Variants in CSMD1 observed in about 807,000 individuals in gnomAD.
CSMD1 encodes the protein CUB and Sushi multiple domains 1, also known as CUB and sushi domain-containing protein 1.
A neutral mutation model predicts 417.5 loss-of-function variants in CSMD1; 213 were observed. That is an observed-to-expected ratio of 0.51 (90% confidence interval 0.46 to 0.57). CSMD1 has a LOEUF of 0.57. Ranked by LOEUF, CSMD1 falls within the 20% of genes least tolerant of loss-of-function variation. The pLI is 0.00. For missense variants in CSMD1, 6,923 were observed against 4,529.7 expected, an observed-to-expected ratio of 1.53 and a Z score of -15.17; for synonymous variants, 2,862 against 1,736.8, an observed-to-expected ratio of 1.65 and a Z score of -16.11.
At chr8:4,201,470 G>A (rs1337056108) in intron 3 of CSMD1, among the ~76,000 whole-genome samples, 2 of 139,300 alleles carry the variant, frequency 1.4e-5, no homozygotes, top group African/African-American at 2.7e-5. Flanking sequence ...CACGGGAGGC[G>A]GAGCTTGCAG....
intron 11 of CSMD1, among the ~76,000 whole-genome samples, chr8:3,481,987 C>T (rs1817774927): frequency 6.6e-6 from 1 of 152,138 alleles, no homozygotes; most frequent in South Asian, 2.1e-4. Context: ...TTATAAGTCA[C>T]ATATGTTTAT....
At chr8:4,256,976 C>A (rs1258500129) in intron 3 of CSMD1, among the ~76,000 whole-genome samples, 1 of 152,172 alleles carries the variant, frequency 6.6e-6, no homozygotes, top group African/African-American at 2.4e-5. Context: ...TGGAGGTATT[C>A]AATCTGGAAG....
intron 5 of CSMD1, among the ~76,000 whole-genome samples, chr8:3,949,561 T>A (rs1005345311): frequency 2.6e-5 from 4 of 152,158 alleles, no homozygotes; most frequent in African/African-American, 9.7e-5. Context: ...TGGGGTTATT[T>A]TGGGGTTCTT....
intron 2 of CSMD1, among the ~76,000 whole-genome samples, chr8:4,607,469 A>G (rs905416004): frequency 1.1e-4 from 16 of 152,290 alleles, no homozygotes; most frequent in African/African-American, 3.9e-4. Flanking sequence ...CTAGGGCCTG[A>G]TACGACCCAG....
chr8:4,311,714 C>G (rs868484154), intron 3 of CSMD1, among the ~76,000 whole-genome samples: 2 of 102,212 alleles, frequency 2.0e-5, no homozygotes, highest in South Asian at 7.4e-4. Flanking sequence ...CAAAGCAAGA[C>G]TCAGTCTCAA....
chr8:4,311,367 G>C lies in CSMD1; in HGVS notation c.415+108586C>G, dbSNP rs148545190. On this transcript the variant is annotated intron_variant, in intron 3 of 69. Transcript: ENST00000635120. ...CTTTGCAGCAACATGGATGGAGCTG[G>C]AGGCCATTATTCTTGGCAAACTAAT... Among the ~76,000 whole-genome samples, 87 of 152,278 alleles carry C rather than the reference G, an allele frequency of 5.7e-4. 1 individual carries two copies. The highest frequency in any genetic ancestry group is 1.9e-3 in the African/African-American group (77 of 41,556).
chr8:3,306,136 C>A (rs1804824210), intron 25 of CSMD1, among the ~76,000 whole-genome samples: 1 of 152,024 alleles, frequency 6.6e-6, no homozygotes, highest in South Asian at 2.1e-4. Flanking sequence ...CACTTCATCC[C>A]ATTTTATTTT....
intron 5 of CSMD1, among the ~76,000 whole-genome samples, chr8:3,980,719 G>C (rs950200164): frequency 6.6e-6 from 1 of 152,162 alleles, no homozygotes; most frequent in Non-Finnish European, 1.5e-5. Flanking sequence ...GTGACAAGAA[G>C]TAAGAAGCCC....
At chr8:4,273,751 C>T (rs1253355491) in intron 3 of CSMD1, among the ~76,000 whole-genome samples, 2 of 152,134 alleles carry the variant, frequency 1.3e-5, no homozygotes, top group Non-Finnish European at 1.5e-5. Flanking sequence ...ACACTGACAG[C>T]TCAGCAAGAT....
chr8:4,041,242 C>A (rs917686954), intron 3 of CSMD1, among the ~76,000 whole-genome samples: 2 of 152,018 alleles, frequency 1.3e-5, no homozygotes, highest in Admixed American at 6.6e-5. Context: ...TGGTCACGAT[C>A]TCCTGACCTC....
At chr8:3,178,250 T>C (rs577856843) in intron 37 of CSMD1, among the ~76,000 whole-genome samples, 30 of 152,234 alleles carry the variant, frequency 2.0e-4, no homozygotes, top group Admixed American at 7.2e-4. Context: ...CAGTGTCCAT[T>C]TGGATGTACT....
At chr8:3,816,568 T>C (rs1296118983) in intron 5 of CSMD1, among the ~76,000 whole-genome samples, 9 of 152,186 alleles carry the variant, frequency 5.9e-5, no homozygotes, top group Non-Finnish European at 2.9e-5. Context: ...AAACAAGACC[T>C]AGTATTTAAT....
chr8:4,618,999 A>C (rs926381275), intron 2 of CSMD1, among the ~76,000 whole-genome samples: 1 of 152,194 alleles, frequency 6.6e-6, no homozygotes, highest in African/African-American at 2.4e-5. Context: ...AAGGAGATTA[A>C]AATACTGCAA....
At chr8:3,914,059 G>T (rs1268000897) in intron 5 of CSMD1, among the ~76,000 whole-genome samples, 1 of 152,084 alleles carries the variant, frequency 6.6e-6, no homozygotes, top group Non-Finnish European at 1.5e-5. Context: ...ATATTAAGTG[G>T]AAATGATCAC....
intron 3 of CSMD1, among the ~76,000 whole-genome samples, chr8:4,301,502 T>G (rs778842598): frequency 2.6e-5 from 4 of 152,188 alleles, no homozygotes; most frequent in Non-Finnish European, 4.4e-5. Context: ...AGATCTCTAT[T>G]GAAAGCTCTA....
chr8:4,502,116 A>C (rs1181784225), intron 2 of CSMD1, among the ~76,000 whole-genome samples: 3 of 152,142 alleles, frequency 2.0e-5, no homozygotes, highest in African/African-American at 7.2e-5. Context: ...CCAATCTCTA[A>C]ATTTCTAATT....
At chr8:4,175,491 T>C (rs1371684719) in intron 3 of CSMD1, among the ~76,000 whole-genome samples, 1 of 152,188 alleles carries the variant, frequency 6.6e-6, no homozygotes, top group Non-Finnish European at 1.5e-5. Flanking sequence ...ATATATTTTC[T>C]TAAAACATTA....
At chr8:3,516,758 C>A (rs1014603667) in intron 10 of CSMD1, among the ~76,000 whole-genome samples, 7 of 152,102 alleles carry the variant, frequency 4.6e-5, no homozygotes, top group African/African-American at 1.7e-4. Context: ...GTATACACTG[C>A]ACCTTATCTG....
chr8:4,404,651 C>A (rs910585356), intron 3 of CSMD1, among the ~76,000 whole-genome samples: 1 of 151,854 alleles, frequency 6.6e-6, no homozygotes, highest in African/African-American at 2.4e-5. Context: ...ATATTAAATC[C>A]ATTAATATTT....
Sources: allele counts gnomAD v4.1 joint callset (sites outside exome capture counted in the v4.1 genomes callset), GRCh38; gene constraint gnomAD v4.1.1; transcripts MANE v1.5; gene names NCBI Gene and HGNC (gene_info 2026-07-23, HGNC 2026-07-21).